ARK2C: variants seen among roughly 807,000 people sequenced by gnomAD.
ARK2C encodes E3 ubiquitin-protein ligase ARK2C.
the ARK2C span, among the ~76,000 whole-genome samples, chr18:46,383,550 G>GTTTTTTTTT: frequency 5.6e-4 from 55 of 97,888 alleles, no homozygotes; most frequent in Non-Finnish European, 6.5e-4. Flanking sequence ...GGTTTTCTCT[G>GTTTTTTTTT]TTTTTTTTTT....
At chr18:46,336,393 A>T in the ARK2C span, 2 of 983,532 alleles carry the variant, frequency 2.0e-6, no homozygotes, top group Non-Finnish European at 2.4e-6. Context: ...ACAAAAAAAA[A>T]TCCAACAACA....
the ARK2C span, among the ~76,000 whole-genome samples, chr18:46,422,439 A>G: frequency 4.0e-4 from 61 of 152,286 alleles, no homozygotes; most frequent in African/African-American, 1.4e-3. Context: ...ATCCATGCAG[A>G]GGGGAGAGGA....
chr18:46,385,434 G>A, the ARK2C span, among the ~76,000 whole-genome samples: 1 of 152,192 alleles, frequency 6.6e-6, no homozygotes, highest in African/African-American at 2.4e-5. Context: ...ATTCTGAAGA[G>A]GAAGGTGTTG....
the ARK2C span, among the ~76,000 whole-genome samples, chr18:46,416,375 C>T: frequency 6.6e-6 from 1 of 152,302 alleles, no homozygotes; most frequent in East Asian, 1.9e-4. Context: ...TCCCTCCCTC[C>T]ATCCGTAAGC....
At chr18:46,359,272 TGG>T in the ARK2C span, among the ~76,000 whole-genome samples, 1 of 152,098 alleles carries the variant, frequency 6.6e-6, no homozygotes, top group Non-Finnish European at 1.5e-5. Context: ...GTCTGTCTGC[TGG>T]GAGAGAGGGA....
the ARK2C span, among the ~76,000 whole-genome samples, chr18:46,442,579 T>G: frequency 1.3e-5 from 2 of 152,204 alleles, no homozygotes; most frequent in Admixed American, 1.3e-4. Flanking sequence ...GCATTTATAC[T>G]ATCTTAGTAA....
the ARK2C span, chr18:46,335,782 A>T: frequency 8.1e-6 from 4 of 491,024 alleles, no homozygotes; most frequent in Middle Eastern, 1.0e-3. Flanking sequence ...AGAACCTAAA[A>T]GGCAAGCTTG....
chr18:46,433,435 C>T, the ARK2C span: 1 of 1,613,310 alleles, frequency 6.2e-7, no homozygotes, highest in Non-Finnish European at 8.5e-7. Context: ...ACCTCAGGCC[C>T]TGCACCAGCA....
the ARK2C span, chr18:46,460,819 A>C: frequency 6.6e-6 from 1 of 152,608 alleles, no homozygotes; most frequent in African/African-American, 2.4e-5. Context: ...AAACTCCAAT[A>C]TAGTGACTGT....
At chr18:46,381,872 G>C in the ARK2C span, among the ~76,000 whole-genome samples, 1 of 152,126 alleles carries the variant, frequency 6.6e-6, no homozygotes, top group South Asian at 2.1e-4. Context: ...CAAAGGTGGG[G>C]TTTCAGGCAC....
At chr18:46,387,522 C>T in the ARK2C span, among the ~76,000 whole-genome samples, 1 of 152,248 alleles carries the variant, frequency 6.6e-6, no homozygotes, top group Admixed American at 6.5e-5. Flanking sequence ...CCAAATTCCC[C>T]TCCAGGCTGT....
the ARK2C span, among the ~76,000 whole-genome samples, chr18:46,433,742 C>T: frequency 3.9e-5 from 6 of 152,226 alleles, no homozygotes; most frequent in Non-Finnish European, 7.3e-5. Flanking sequence ...TGAGCACTGT[C>T]CTGATCTGAC....
chr18:46,334,700 G>T, the ARK2C span: 1 of 319,000 alleles, frequency 3.1e-6, no homozygotes, highest in East Asian at 4.5e-5. This position sits in a 1 kb window ranked among gnomAD's most constrained non-coding sequence, Gnocchi z 4.4. Context: ...GTGTGTGTGT[G>T]TGTGTGTGTG....
chr18:46,341,051 C>A, the ARK2C span, among the ~76,000 whole-genome samples: 1 of 151,982 alleles, frequency 6.6e-6, no homozygotes, highest in African/African-American at 2.4e-5. Flanking sequence ...GGGGCGGAGG[C>A]ACATGTGCAG....
At chr18:46,441,902 C>G in the ARK2C span, among the ~76,000 whole-genome samples, 4 of 129,512 alleles carry the variant, frequency 3.1e-5, no homozygotes, top group African/African-American at 1.2e-4. Context: ...CGGTGGCTCA[C>G]GCCTGTAATC....
chr18:46,429,888 A>T, the ARK2C span, among the ~76,000 whole-genome samples: 1 of 151,488 alleles, frequency 6.6e-6, no homozygotes, highest in African/African-American at 2.4e-5. Flanking sequence ...AAGTGTTGGG[A>T]TTATGGATGT....
At chr18:46,343,903 C>T in the ARK2C span, among the ~76,000 whole-genome samples, 6 of 152,222 alleles carry the variant, frequency 3.9e-5, no homozygotes, top group African/African-American at 9.6e-5. Flanking sequence ...CACAGGGCTC[C>T]TTGACCCCGA....
At chr18:46,334,388 C>T in the ARK2C span, 1 of 1,532,566 alleles carries the variant, frequency 6.5e-7, no homozygotes, top group Non-Finnish European at 8.8e-7. This position sits in a 1 kb window ranked among gnomAD's most constrained non-coding sequence, Gnocchi z 4.4. Flanking sequence ...GCCGCAGGCA[C>T]CGGGGCGGGG....
chr18:46,336,929 T>C, the ARK2C span: 1 of 985,300 alleles, frequency 1.0e-6, no homozygotes, highest in Non-Finnish European at 1.2e-6. Flanking sequence ...TCCCATAGCC[T>C]CTGAAAACTT....
Sources: gnomAD v4.1 joint callset for allele counts (sites outside exome capture counted in the v4.1 genomes callset) on GRCh38, gnomAD v4.1.1 for gene constraint, Gnocchi (gnomAD v3.1) non-coding constraint, MANE v1.5 for transcripts, NCBI Gene and HGNC (gene_info 2026-07-23, HGNC 2026-07-21) for gene names.